SORCS1: variants seen among roughly 807,000 people sequenced by gnomAD.
SORCS1 encodes VPS10 domain-containing receptor SorCS1.
SORCS1 carries 60 observed loss-of-function variants against 146.1 expected under a neutral mutation model. The ratio of observed to expected loss-of-function variants is 0.41; its 90% CI spans 0.33 to 0.51. The LOEUF (loss-of-function observed/expected upper bound fraction) is 0.51. Among genes scored for constraint, SORCS1 ranks in the 20% least tolerant of loss-of-function variants. SORCS1 has a pLI of 0.21. For missense variants in SORCS1, 1,352 were observed against 1,487.6 expected (o/e 0.91, Z 1.50); for synonymous variants, 637 against 584.0 (o/e 1.09, Z -1.31).
rs112684490 is a variant in SORCS1, at chr10:107,150,640, A to G, written c.558+13329T>C. ...TTGGCTGTGTCTCCATCCAAATCTC[A>G]TCTTCAATTGTAGTTCACATAATCC... On this transcript the variant is annotated intron_variant, in intron 1 of 25. Transcript: ENST00000263054. 4.6e-5 allele frequency among the ~76,000 whole-genome samples: 7 copies of G among 152,346 alleles called. 1 individual carries two copies. The highest frequency in any genetic ancestry group is 1.7e-4 in the African/African-American group (7 of 41,594).
At chr10:106,864,923 C>G (rs1414681797) in intron 2 of SORCS1, among the ~76,000 whole-genome samples, 1 of 152,164 alleles carries the variant, frequency 6.6e-6, no homozygotes, top group African/African-American at 2.4e-5. Context: ...TGGGTGGGGC[C>G]TCCCAAACCA....
At chr10:106,988,522 A>C (rs1301207723) in intron 1 of SORCS1, among the ~76,000 whole-genome samples, 1 of 152,152 alleles carries the variant, frequency 6.6e-6, no homozygotes, top group Non-Finnish European at 1.5e-5. Flanking sequence ...CTACTGGGTC[A>C]AAAAGTGAGT....
At chr10:107,021,741 A>G (rs1338214927) in intron 1 of SORCS1, among the ~76,000 whole-genome samples, 2 of 152,080 alleles carry the variant, frequency 1.3e-5, no homozygotes, top group East Asian at 3.9e-4. Context: ...CTAAGAGTTA[A>G]AATATCTTTC....
At chr10:107,173,539 A>G in the SORCS1 span, among the ~76,000 whole-genome samples, 1 of 152,184 alleles carries the variant, frequency 6.6e-6, no homozygotes, top group East Asian at 1.9e-4. Flanking sequence ...AAGGGAAAAG[A>G]AGTTCTTAAT....
rs745871476 is a variant in SORCS1, at chr10:106,577,205, T to TA, written c.*214dup. ...TGTTTTGTTTTTGTTTTTGTTTTTT[T>TA]ACTGGCGTCCTCCATTCAAACATTT... is the stretch of plus-strand genomic sequence containing the variant. On this transcript the variant is annotated 3_prime_UTR_variant, in exon 26 of 26. Coordinates refer to ENST00000263054, the MANE Select transcript of SORCS1 (RefSeq NM_052918.5). The TA allele has an allele frequency of 2.1e-5, 33 of 1,544,056 alleles. No individual in the cohort carries two copies. In the South Asian group the frequency reaches 3.9e-4, roughly 18 times the overall value.
At chr10:106,932,305 T>G (rs546399518) in intron 2 of SORCS1, among the ~76,000 whole-genome samples, 1 of 152,294 alleles carries the variant, frequency 6.6e-6, no homozygotes, top group South Asian at 2.1e-4. Context: ...TTGTCTTGAG[T>G]AAAAATAACT....
chr10:107,143,191 C>G (rs1352263771), intron 1 of SORCS1, among the ~76,000 whole-genome samples: 2 of 152,194 alleles, frequency 1.3e-5, no homozygotes, highest in Non-Finnish European at 2.9e-5. Flanking sequence ...CTACAAGTAG[C>G]TTTGCAACTG....
intron 5 of SORCS1, among the ~76,000 whole-genome samples, chr10:106,737,497 G>A (rs1012835528): frequency 2.0e-5 from 3 of 152,182 alleles, no homozygotes; most frequent in Middle Eastern, 3.4e-3. Flanking sequence ...GGCCGAGGTG[G>A]GTGGATCACT....
At chr10:107,069,290 A>G (rs1485570971) in intron 1 of SORCS1, among the ~76,000 whole-genome samples, 1 of 151,902 alleles carries the variant, frequency 6.6e-6, no homozygotes, top group Non-Finnish European at 1.5e-5. Flanking sequence ...AGCTGAATTC[A>G]CCTCTATTAT....
intron 1 of SORCS1, among the ~76,000 whole-genome samples, chr10:106,972,584 T>TG (rs112558443): frequency 0.07 from 10,635 of 151,278 alleles, 1,219 homozygotes; most frequent in African/African-American, 0.24. Context: ...ATCAGCTAGG[T>TG]GGGGGGGCTG....
intron 22 of SORCS1, among the ~76,000 whole-genome samples, 185 bp downstream of exon 22, chr10:106,611,726 C>T (rs1847002713): frequency 1.3e-5 from 2 of 152,208 alleles, no homozygotes; most frequent in Admixed American, 1.3e-4. Context: ...CCCTTTAGGG[C>T]CTTTGAGGTC....
chr10:106,979,260 T>C lies in SORCS1; in HGVS notation c.559-22680A>G, dbSNP rs184720001. On this transcript the variant is annotated intron_variant, in intron 1 of 25. Transcript: ENST00000263054. ...CCTTTGACAGGCAAGGTCTTCTTAG[T>C]TACCCACTCCAGAAAAACTTCCTTA... 5.5e-3 allele frequency among the ~76,000 whole-genome samples: 843 copies of C among 152,244 alleles called. 5 individuals carry two copies. Among genetic ancestry groups the C allele is most frequent in the Middle Eastern group, 0.034 (10 of 294 alleles).
intron 1 of SORCS1, among the ~76,000 whole-genome samples, chr10:107,141,262 T>C (rs141863697): frequency 6.6e-6 from 1 of 152,332 alleles, no homozygotes; most frequent in African/African-American, 2.4e-5. Context: ...AGTTTTATCT[T>C]GGCTACTTTT....
At position 106,607,270 on chromosome 10, in the gene SORCS1, G is replaced by C; in HGVS notation, c.3061C>G (p.Leu1021Val). 2 of 1,614,090 alleles carry C rather than the reference G, an allele frequency of 1.2e-6. No homozygotes were observed. The highest frequency in any genetic ancestry group is 1.3e-5 in the African/African-American group (1 of 75,068). Reference sequence around the variant, plus strand: ...GGTAAGCCAGGGAGCACCGCCACCAGGATGTGCTGGCCTGGAACCCCTGTG... The same window carrying C: ...GGTAAGCCAGGGAGCACCGCCACCACGATGTGCTGGCCTGGAACCCCTGTG... ...EATGVPGQHILVAVLPGLPTT... is the reference protein window; with the variant it reads ...EATGVPGQHIVVAVLPGLPTT... Residue 1021 changes from leucine to valine, a missense_variant, in exon 23 of 26, where the codon CTG (leucine) becomes GTG (valine). Leu to Val is a conservative substitution (Grantham distance 32). This residue lies in a region of SORCS1 where 214 missense variants were observed against 204.8 expected (regional missense o/e 1.05). Transcript: ENST00000263054.
chr10:106,778,816 T>C (rs1176819765), intron 3 of SORCS1, among the ~76,000 whole-genome samples: 1 of 152,184 alleles, frequency 6.6e-6, no homozygotes, highest in African/African-American at 2.4e-5. Context: ...TTAGCCAGAA[T>C]ATGCTTTCCT....
At chr10:107,127,383 C>T (rs1966772799) in intron 1 of SORCS1, among the ~76,000 whole-genome samples, 2 of 152,102 alleles carry the variant, frequency 1.3e-5, no homozygotes, top group African/African-American at 4.8e-5. Flanking sequence ...GGTCTGGACT[C>T]CTCCACTACT....
chr10:106,679,570 A>T (rs994020093), intron 11 of SORCS1, 62 bp downstream of exon 11: 1 of 1,361,282 alleles, frequency 7.3e-7, no homozygotes, highest in East Asian at 2.4e-5. Context: ...CCAAGTACAG[A>T]TATCTAGCTT....
At chr10:106,950,187 G>A (rs1292045607) in intron 2 of SORCS1, among the ~76,000 whole-genome samples, 1 of 152,098 alleles carries the variant, frequency 6.6e-6, no homozygotes, top group Admixed American at 6.5e-5. Context: ...AACACAAAAC[G>A]AAACAAAAAT....
intron 5 of SORCS1, among the ~76,000 whole-genome samples, chr10:106,761,021 CA>C (rs1365476024): frequency 6.6e-6 from 1 of 151,924 alleles, no homozygotes; most frequent in East Asian, 1.9e-4. Flanking sequence ...GAAGGGGAAT[CA>C]TTTGAACAAA....
Sources: gnomAD v4.1 joint callset for allele counts (sites outside exome capture counted in the v4.1 genomes callset) on GRCh38, gnomAD v4.1.1 for gene constraint, gnomAD v4.1.1 regional missense constraint, MANE v1.5 for transcripts, NCBI Gene and HGNC (gene_info 2026-07-23, HGNC 2026-07-21) for gene names.